Variants in SCN11A observed in about 807,000 individuals in gnomAD.
SCN11A encodes the protein sodium voltage-gated channel alpha subunit 11.
SCN11A carries 122 observed loss-of-function variants against 162.2 expected under a neutral mutation model. That is an observed-to-expected ratio of 0.75 (90% CI 0.65 to 0.87). SCN11A has a LOEUF of 0.87. SCN11A is among the 40% of genes least tolerant of loss of function. The pLI is 0.00. For synonymous variants in SCN11A, 758 were observed against 751.5 expected, an observed-to-expected ratio of 1.01 and a Z score of -0.14; for missense variants, 2,015 against 2,181.6, an observed-to-expected ratio of 0.92 and a Z score of 1.52.
Position 38,926,880 on chromosome 3 carries a change from T to C in SCN11A, c.540A>G (p.Ala180=). The change falls in exon 8 of 30, where the codon GCA becomes GCG. Residue 180 remains alanine, a synonymous_variant. Transcript: ENST00000302328. ...AAAACTCATCCAGAATGAAACCTCT[T>C]GCCAATATTTTAATCAAAGCTTCAA... The part of the protein sequence containing the change: ...YIFEALIKIL[A]RGFILDEFSF... The C allele has an allele frequency of 6.2e-7, 1 of 1,613,382 alleles. No homozygotes were observed. The highest frequency in any genetic ancestry group is 1.3e-5 in the African/African-American group (1 of 75,036).
intron 28 of SCN11A, among the ~76,000 whole-genome samples, chr3:38,862,824 T>C (rs564746538): frequency 1.1e-3 from 160 of 152,084 alleles, no homozygotes; most frequent in Admixed American, 2.0e-3. Flanking sequence ...CACCAAACTC[T>C]CAGAAATCAC....
Position 38,877,073 on chromosome 3 carries a change from GGTGTATATACTATA to G in SCN11A, c.3393+2863_3393+2876del, listed in dbSNP as rs1559501548. Among the ~76,000 whole-genome samples the G allele has an allele frequency of 7.2e-4, 91 of 126,220 alleles. 1 individual carries two copies. The highest frequency in any genetic ancestry group is 2.6e-3 in the African/African-American group (84 of 32,080). 82.8% of individuals were successfully genotyped at this position (126,220 alleles called of 152,430 possible). On this transcript the variant is annotated intron_variant, in intron 23 of 29. Transcript: ENST00000302328. ...TATACTATATATATGGTATATATAT[GGTGTATATACTATA>G]TATATGGTATATATATGGTGTATAT...
intron 13 of SCN11A, among the ~76,000 whole-genome samples, chr3:38,908,791 G>A (rs915594972): frequency 4.6e-5 from 7 of 152,144 alleles, no homozygotes; most frequent in South Asian, 2.1e-4. Context: ...AGCGTTCCCC[G>A]TTTTGAAGGG....
At chr3:38,857,173 T>C (rs1271528160) in intron 28 of SCN11A, among the ~76,000 whole-genome samples, 1 of 151,930 alleles carries the variant, frequency 6.6e-6, no homozygotes, top group Non-Finnish European at 1.5e-5. Flanking sequence ...AATTTCCAGA[T>C]AAAGAATTCA....
intron 3 of SCN11A, among the ~76,000 whole-genome samples, chr3:38,957,378 A>G (rs1268249650): frequency 6.6e-6 from 1 of 152,188 alleles, no homozygotes; most frequent in Non-Finnish European, 1.5e-5. Context: ...AGGATTGTGA[A>G]AATCCTTCAG....
intron 2 of SCN11A, among the ~76,000 whole-genome samples, chr3:39,017,125 G>C (rs1160899141): frequency 6.6e-6 from 1 of 152,136 alleles, no homozygotes; most frequent in Non-Finnish European, 1.5e-5. Flanking sequence ...AATGAAATTA[G>C]AGATCTTATA....
chr3:38,923,391 T>C (rs1457729541), intron 9 of SCN11A, among the ~76,000 whole-genome samples: 1 of 152,166 alleles, frequency 6.6e-6, no homozygotes, highest in African/African-American at 2.4e-5. Flanking sequence ...TGGACTCATA[T>C]ATACCTAATT....
rs76870831 is a variant in SCN11A, at chr3:38,960,299, G to A, written c.-155C>T. ...AGGACTTACCTGACTTCTTGGTAAGGTGGCTCCAGACAGCAATCCCAGCGA... is the reference window on the plus strand; with the variant it reads ...AGGACTTACCTGACTTCTTGGTAAGATGGCTCCAGACAGCAATCCCAGCGA... On this transcript the variant is annotated 5_prime_UTR_variant, in exon 3 of 30. Transcript: ENST00000302328. Among the ~76,000 whole-genome samples, 673 of 152,304 alleles carry A rather than the reference G, an allele frequency of 4.4e-3. 1 individual carries two copies. The highest frequency in any genetic ancestry group is 7.5e-3 in the Non-Finnish European group (512 of 68,020).
intron 7 of SCN11A, among the ~76,000 whole-genome samples, chr3:38,928,887 A>G (rs112913627): frequency 1.3e-5 from 2 of 152,206 alleles, no homozygotes; most frequent in African/African-American, 2.4e-5. Context: ...AGACTCCTCA[A>G]AAATTAAAAA....
At chr3:39,018,300 G>C (rs75689929) in intron 2 of SCN11A, among the ~76,000 whole-genome samples, 4,393 of 152,254 alleles carry the variant, frequency 0.029, 216 homozygotes, top group African/African-American at 0.1. Flanking sequence ...GTTTCTTTCT[G>C]TGTGCAGTTC....
chr3:38,895,114 A>G, intron 18 of SCN11A, 150 bp from the exon 19 acceptor site: 2 of 678,222 alleles, frequency 2.9e-6, no homozygotes, highest in Non-Finnish European at 4.8e-6. Flanking sequence ...CATCTATCCA[A>G]TAAATAAAAG....
At chr3:38,948,099 G>A (rs556011086) in intron 5 of SCN11A, among the ~76,000 whole-genome samples, 19 of 152,224 alleles carry the variant, frequency 1.2e-4, no homozygotes, top group Non-Finnish European at 2.8e-4. Context: ...AACTGTGCTA[G>A]GGTATTTTTC....
At chr3:38,970,201 G>A (rs2066808591) in intron 2 of SCN11A, among the ~76,000 whole-genome samples, 1 of 152,120 alleles carries the variant, frequency 6.6e-6, no homozygotes, top group Non-Finnish European at 1.5e-5. Flanking sequence ...AACCCTACTG[G>A]ACCCTCGATT....
At chr3:38,945,840 C>A (rs1559549269) in intron 6 of SCN11A, among the ~76,000 whole-genome samples, 1 of 152,188 alleles carries the variant, frequency 6.6e-6, no homozygotes, top group Admixed American at 6.5e-5. Context: ...TCAGCTGAGA[C>A]CATATCCTTG....
At chr3:38,892,421 G>T (rs568218990) in intron 19 of SCN11A, among the ~76,000 whole-genome samples, 33 of 152,186 alleles carry the variant, frequency 2.2e-4, no homozygotes, top group African/African-American at 7.2e-4. Flanking sequence ...AAATTGTGTT[G>T]CTGGGTATGT....
chr3:38,914,735 T>A (rs2065935317), intron 11 of SCN11A, among the ~76,000 whole-genome samples: 1 of 152,320 alleles, frequency 6.6e-6, no homozygotes, highest in Middle Eastern at 3.4e-3. Context: ...CTGCAACTAT[T>A]GAAATATTCA....
At chr3:38,991,696 C>T (rs1429798704) in intron 2 of SCN11A, among the ~76,000 whole-genome samples, 1 of 152,218 alleles carries the variant, frequency 6.6e-6, no homozygotes, top group East Asian at 1.9e-4. Flanking sequence ...ATTTACATGG[C>T]ACCTATGCTG....
intron 25 of SCN11A, 57 bp from the exon 26 acceptor site, chr3:38,870,801 T>G: frequency 6.7e-7 from 1 of 1,500,608 alleles, no homozygotes; most frequent in Non-Finnish European, 9.3e-7. Context: ...CATCAACAGA[T>G]ACATGGCATG....
At chr3:39,013,696 G>A (rs56322444) in intron 2 of SCN11A, among the ~76,000 whole-genome samples, 12,566 of 152,208 alleles carry the variant, frequency 0.083, 738 homozygotes, top group African/African-American at 0.16. Flanking sequence ...AATGTTAGGC[G>A]GAAGATCTGT....
Sources: allele counts gnomAD v4.1 joint callset (sites outside exome capture counted in the v4.1 genomes callset), GRCh38; gene constraint gnomAD v4.1.1; transcripts MANE v1.5; gene names NCBI Gene and HGNC (gene_info 2026-07-23, HGNC 2026-07-21).